SCARB1: variants seen among roughly 807,000 people sequenced by gnomAD.
SCARB1 encodes scavenger receptor class B member 1, also known as CD36 and LIMPII analogous 1.
Under a neutral mutation model 57.2 loss-of-function variants are expected in SCARB1, and 30 were observed. The ratio of observed to expected loss-of-function variants is 0.52; its 90% CI spans 0.39 to 0.71. SCARB1 has a LOEUF of 0.71. SCARB1 is among the 30% of genes least tolerant of loss of function. The pLI is 0.00. For synonymous variants in SCARB1, 249 were observed against 268.3 expected, an observed-to-expected ratio of 0.93 and a Z score of 0.70; for missense variants, 543 against 671.2, an observed-to-expected ratio of 0.81 and a Z score of 2.11.
intron 1 of SCARB1, among the ~76,000 whole-genome samples, chr12:124,819,002 C>G (rs904023696): frequency 2.0e-5 from 3 of 151,960 alleles, no homozygotes; most frequent in Non-Finnish European, 4.4e-5. Context: ...TGCTGCACAC[C>G]TGTAGTCCCA....
At chr12:124,848,123 G>T (rs149259865) in intron 1 of SCARB1, among the ~76,000 whole-genome samples, 2 of 152,134 alleles carry the variant, frequency 1.3e-5, no homozygotes, top group Non-Finnish European at 2.9e-5. Context: ...TCACTCTGTC[G>T]CCCAGGCTGG....
chr12:124,830,395 G>A (rs1466880326), intron 1 of SCARB1, among the ~76,000 whole-genome samples: 1 of 152,156 alleles, frequency 6.6e-6, no homozygotes, highest in Non-Finnish European at 1.5e-5. Context: ...AATGCTCATA[G>A]CAGCCGTACC....
intron 9 of SCARB1, among the ~76,000 whole-genome samples, chr12:124,790,993 G>C (rs565700971): frequency 2.0e-5 from 3 of 152,244 alleles, no homozygotes; most frequent in Non-Finnish European, 2.9e-5. Context: ...CTGACCACCA[G>C]CTTGCCTTCT....
intron 1 of SCARB1, among the ~76,000 whole-genome samples, chr12:124,819,316 C>T (rs1355587102): frequency 2.0e-5 from 3 of 152,142 alleles, no homozygotes; most frequent in African/African-American, 7.2e-5. Flanking sequence ...GAGAGAGCCT[C>T]CCTGTGTGGC....
intron 1 of SCARB1, among the ~76,000 whole-genome samples, chr12:124,848,786 A>G (rs1441121090): frequency 6.6e-6 from 1 of 152,188 alleles, no homozygotes; most frequent in Non-Finnish European, 1.5e-5. Flanking sequence ...CGTGATCATC[A>G]CCAGAAAATC....
chr12:124,837,554 AAAAG>A (rs1566231939), intron 1 of SCARB1, among the ~76,000 whole-genome samples: 631 of 14,484 alleles, frequency 0.044, 44 homozygotes, highest in African/African-American at 0.085. Flanking sequence ...AAAAGAAAAG[AAAAG>A]AAAAGAAAAG....
chr12:124,821,100 T>G (rs548142111), intron 1 of SCARB1, among the ~76,000 whole-genome samples: 1 of 152,116 alleles, frequency 6.6e-6, no homozygotes, highest in African/African-American at 2.4e-5. Context: ...CAGCCATCCG[T>G]GGTGGCAGGT....
At position 124,817,816 on chromosome 12, in the gene SCARB1, G is replaced by A. The variant is rs1384511703; in HGVS notation, c.127-109C>T. On this transcript the variant is annotated intron_variant, in intron 1 of 12. Transcript: ENST00000261693. The surrounding 1 kb of genome is among the most constrained non-coding windows in gnomAD (Gnocchi z 4.8). ...AGCCCGGCCAGGGAAGGGGCTCCTC[G>A]GCGGGAGCTTGGGATAGGAGGTGGT... The A allele has an allele frequency of 2.5e-6, 3 of 1,189,546 alleles. No individual in the cohort carries two copies. Among genetic ancestry groups the A allele is most frequent in the Non-Finnish European group, 3.8e-6 (3 of 796,024 alleles). The allele number at this position is 1,189,546 out of a possible 1,614,324, so 73.7% of individuals were successfully genotyped here.
intron 1 of SCARB1, among the ~76,000 whole-genome samples, chr12:124,828,414 G>A (rs1018883975): frequency 1.3e-5 from 2 of 152,010 alleles, no homozygotes; most frequent in Non-Finnish European, 2.9e-5. Context: ...ACAATCATCC[G>A]CCCCATGCTA....
chr12:124,856,785 G>A (rs1952651057), intron 1 of SCARB1, among the ~76,000 whole-genome samples: 1 of 152,216 alleles, frequency 6.6e-6, no homozygotes, highest in African/African-American at 2.4e-5. Context: ...CAGAGCGGGC[G>A]GCCCCTGCAG....
At chr12:124,854,747 G>C (rs987724956) in intron 1 of SCARB1, among the ~76,000 whole-genome samples, 3 of 152,194 alleles carry the variant, frequency 2.0e-5, no homozygotes, top group Non-Finnish European at 4.4e-5. Flanking sequence ...TGGAAGATGG[G>C]GGGGCTATGA....
At chr12:124,802,174 TAAA>T (rs1482535262) in intron 7 of SCARB1, among the ~76,000 whole-genome samples, 1 of 148,488 alleles carries the variant, frequency 6.7e-6, no homozygotes, top group African/African-American at 2.5e-5. Context: ...AAGACATAGT[TAAA>T]AAATACCGTG....
intron 1 of SCARB1, among the ~76,000 whole-genome samples, chr12:124,821,061 G>A (rs1183548594): frequency 6.6e-6 from 1 of 152,060 alleles, no homozygotes. Flanking sequence ...TGAGCATGGA[G>A]ACTCCATCTC....
chr12:124,809,945 C>T (rs1312692578), intron 6 of SCARB1, among the ~76,000 whole-genome samples: 1 of 152,230 alleles, frequency 6.6e-6, no homozygotes, highest in Non-Finnish European at 1.5e-5. Flanking sequence ...AGCCCAGCAC[C>T]ACCTGGCTGC....
chr12:124,848,444 G>T (rs1952249959), intron 1 of SCARB1, among the ~76,000 whole-genome samples: 1 of 152,258 alleles, frequency 6.6e-6, no homozygotes, highest in Non-Finnish European at 1.5e-5. Context: ...AAGGGAATCT[G>T]AACACAGACT....
intron 12 of SCARB1, among the ~76,000 whole-genome samples, chr12:124,780,426 C>T (rs895559550): frequency 1.3e-5 from 2 of 152,222 alleles, no homozygotes; most frequent in African/African-American, 4.8e-5. Context: ...ATCCCCATAC[C>T]CAGGTACAGG....
At position 124,810,214 on chromosome 12, in the gene SCARB1, G is replaced by A. The variant is rs1950472061; in HGVS notation, c.802C>T (p.Pro268Ser). Residue 268 changes from proline to serine, a missense_variant, in exon 6 of 13, where the codon CCT (proline) becomes TCT (serine). Pro to Ser is a moderately conservative substitution (Grantham distance 74, BLOSUM62 -1). Transcript: ENST00000261693. The surrounding 1 kb of genome is among the most constrained non-coding windows in gnomAD (Gnocchi z 4.0). Reference protein sequence around the residue: ...SGQMWPPFMTPESSLEFYSPE... With the variant: ...SGQMWPPFMTSESSLEFYSPE... ...CTGTAGAACTCCAGCGAGGACTCAG[G>A]AGTCATGAAGGGCGGCCACATTTGC... 1 of 1,614,014 alleles carries A rather than the reference G, an allele frequency of 6.2e-7. No homozygotes were observed. Among genetic ancestry groups the A allele is most frequent in the Non-Finnish European group, 8.5e-7 (1 of 1,179,968 alleles).
At chr12:124,842,582 C>T (rs1951947999) in intron 1 of SCARB1, among the ~76,000 whole-genome samples, 1 of 152,254 alleles carries the variant, frequency 6.6e-6, no homozygotes, top group Non-Finnish European at 1.5e-5. Flanking sequence ...TCCCAAGCCA[C>T]AGATTACAGC....
Position 124,832,518 on chromosome 12 carries a change from T to TC in SCARB1, c.127-14812dup, listed in dbSNP as rs1951444662. Among the ~76,000 whole-genome samples the TC allele has an allele frequency of 1.7e-4, 15 of 88,016 alleles. 1 individual carries two copies. In the South Asian group the frequency reaches 5.5e-3, roughly 32 times the overall value. The allele number at this position is 88,016 out of a possible 152,430, so 57.7% of individuals were successfully genotyped here. A position where few individuals can be genotyped will look rare whatever the true frequency, so the allele number is the denominator to read the frequency against. On this transcript the variant is annotated intron_variant, in intron 1 of 12. Coordinates refer to ENST00000261693, the MANE Select transcript of SCARB1 (RefSeq NM_005505.5). ...CTGGGCGACAGAGTGAGACTTGGTC[T>TC]CAAAAAAAAAAAAACTGTTCTAAAA...
Sources: allele counts gnomAD v4.1 joint callset (sites outside exome capture counted in the v4.1 genomes callset), GRCh38; gene constraint gnomAD v4.1.1; non-coding constraint Gnocchi (gnomAD v3.1); transcripts MANE v1.5; gene names NCBI Gene and HGNC (gene_info 2026-07-23, HGNC 2026-07-21).